DEDD2: variants seen among roughly 807,000 people sequenced by gnomAD.
DEDD2 encodes death effector domain containing 2, also known as DNA-binding death effector domain-containing protein 2.
DEDD2 carries 18 observed loss-of-function variants against 28.9 expected under a neutral mutation model. That is an observed-to-expected ratio of 0.62 (90% CI 0.43 to 0.92). The LOEUF (loss-of-function observed/expected upper bound fraction) is 0.92. Ranked by LOEUF, DEDD2 falls within the 40% of genes least tolerant of loss-of-function variation. The pLI, the probability that DEDD2 is intolerant of heterozygous loss-of-function variation, is 0.00. For missense variants in DEDD2, 411 were observed against 463.3 expected (o/e 0.89, Z 1.04); for synonymous variants, 211 against 206.1 (o/e 1.02, Z -0.20).
intron 4 of DEDD2, chr19:42,201,565 G>A (rs181827213): frequency 1.9e-5 from 3 of 155,672 alleles, no homozygotes; most frequent in Admixed American, 1.3e-4. Flanking sequence ...GAGGAAACAA[G>A]GCTCTGGGAG....
rs141280421 is a variant in DEDD2 at position 42,200,249 on chromosome 19, C to A, written c.590-420G>T. Among the ~76,000 whole-genome samples the A allele has an allele frequency of 2.2e-3, 330 of 152,350 alleles. 2 individuals are homozygous for A. The highest frequency in any genetic ancestry group is 0.012 in the South Asian group (59 of 4,834). On this transcript the variant is annotated intron_variant, in intron 4 of 4. Transcript: ENST00000596251. ...GTCCAAGGCACTTATCACCTTCCAA[C>A]CTCCTCTGTCAGTTACTATCTGCTC...
At chr19:42,206,971 A>G (rs935236835) in intron 4 of DEDD2, among the ~76,000 whole-genome samples, 1 of 152,080 alleles carries the variant, frequency 6.6e-6, no homozygotes, top group Non-Finnish European at 1.5e-5. Context: ...CCCATCTCCC[A>G]TCAAGACCTA....
Position 42,199,123 on chromosome 19 carries a change from C to T in DEDD2, c.*315G>A, listed in dbSNP as rs140582987. The T allele has an allele frequency of 2.6e-6, 1 of 389,966 alleles. No homozygotes were observed. Among genetic ancestry groups the T allele is most frequent in the Non-Finnish European group, 4.7e-6 (1 of 213,044 alleles). 24.2% of individuals were successfully genotyped at this position (389,966 alleles called of 1,614,324 possible). A position where few individuals can be genotyped will look rare whatever the true frequency, so the allele number is the denominator to read the frequency against. ...TGCAGACAGCCCAAGATCAGAGATA[C>T]AATGTGCAGGGGGGCCTTTGGTGAG... On this transcript the variant is annotated 3_prime_UTR_variant, in exon 5 of 5. Coordinates refer to ENST00000596251, the MANE Select transcript of DEDD2 (RefSeq NM_133328.4). This position sits in a 1 kb window ranked among gnomAD's most constrained non-coding sequence, Gnocchi z 7.4.
chr19:42,214,810 A>G (rs1809181135), intron 3 of DEDD2, among the ~76,000 whole-genome samples: 2 of 152,280 alleles, frequency 1.3e-5, no homozygotes, highest in Admixed American at 1.3e-4. Context: ...GTGAGAATAA[A>G]TAAGTTAATT....
intron 4 of DEDD2, chr19:42,202,072 T>A (rs756127124): frequency 3.8e-5 from 15 of 398,584 alleles, no homozygotes; most frequent in South Asian, 1.3e-4. Flanking sequence ...TGTTTCCCCA[T>A]CTGAAACACA....
intron 3 of DEDD2, among the ~76,000 whole-genome samples, chr19:42,212,858 C>A: frequency 6.6e-6 from 1 of 152,164 alleles, no homozygotes. Context: ...CTCAGCCACA[C>A]AAAGCACTAA....
chr19:42,199,892 C>T lies in DEDD2; in HGVS notation c.590-63G>A. 4.0e-6 allele frequency: 6 copies of T among 1,497,304 alleles called. No individual in the cohort carries two copies. Among genetic ancestry groups the T allele is most frequent in the Non-Finnish European group, 4.5e-6 (5 of 1,117,814 alleles). The allele number at this position is 1,497,304 out of a possible 1,614,324, so 92.8% of individuals were successfully genotyped here. On this transcript the variant is annotated intron_variant, in intron 4 of 4. Transcript: ENST00000596251. The surrounding 1 kb of genome is among the most constrained non-coding windows in gnomAD (Gnocchi z 7.4). Reference sequence around the variant, plus strand: ...ACACTAGACACACTTATGGGGAACGCCACCCTTCCTCCCTCCAGCCTTCTC... The same window carrying T: ...ACACTAGACACACTTATGGGGAACGTCACCCTTCCTCCCTCCAGCCTTCTC...
chr19:42,214,258 C>T (rs2035877205), intron 3 of DEDD2, among the ~76,000 whole-genome samples: 1 of 152,186 alleles, frequency 6.6e-6, no homozygotes, highest in Non-Finnish European at 1.5e-5. Flanking sequence ...GAGTTCGAGA[C>T]CAGCTTGGGC....
At chr19:42,218,783 A>C (rs1331492429), upstream of DEDD2, among the ~76,000 whole-genome samples, 3 of 152,248 alleles carry the variant, frequency 2.0e-5, no homozygotes, top group Non-Finnish European at 4.4e-5. Flanking sequence ...CTGTAATCCC[A>C]GCACTTTGAG....
chr19:42,199,197 C>A lies in DEDD2; in HGVS notation c.*241G>T. On this transcript the variant is annotated 3_prime_UTR_variant, in exon 5 of 5. Transcript: ENST00000596251. The surrounding 1 kb of genome is among the most constrained non-coding windows in gnomAD (Gnocchi z 7.4). The stretch of plus-strand genomic sequence containing the variant: ...TGAGATACAGGCCCAGCCCCCGCCT[C>A]CGGAGGCTAAGGGGGCACACCTGGG... The A allele has an allele frequency of 1.7e-6, 1 of 589,672 alleles. No individual in the cohort carries two copies. Among genetic ancestry groups the A allele is most frequent in the East Asian group, 3.0e-5 (1 of 33,464 alleles). The allele number at this position is 589,672 out of a possible 1,614,324, so 36.5% of individuals were successfully genotyped here.
At chr19:42,219,444 A>T (rs190865374), upstream of DEDD2, among the ~76,000 whole-genome samples, 508 of 151,960 alleles carry the variant, frequency 3.3e-3, 5 homozygotes, top group African/African-American at 0.012. Context: ...CTACTAAAAA[A>T]TACAAACATT....
At chr19:42,213,936 A>G (rs918482614) in intron 3 of DEDD2, among the ~76,000 whole-genome samples, 3 of 152,218 alleles carry the variant, frequency 2.0e-5, no homozygotes, top group African/African-American at 7.2e-5. Flanking sequence ...TAGGTATAAT[A>G]GTCTTAAAGT....
intron 3 of DEDD2, among the ~76,000 whole-genome samples, 190 bp downstream of exon 3, chr19:42,214,943 C>T (rs2146904734): frequency 6.6e-6 from 1 of 151,958 alleles, no homozygotes; most frequent in Middle Eastern, 3.4e-3. Flanking sequence ...AAACGAAACA[C>T]GAAACTATGT....
intron 3 of DEDD2, chr19:42,212,061 T>TAATAATAATAATAAA (rs888878115): frequency 2.0e-5 from 3 of 147,466 alleles, no homozygotes; most frequent in Non-Finnish European, 4.5e-5. Flanking sequence ...ATAATAATAA[T>TAATAATAATAATAAA]AAATTAATTA....
chr19:42,211,191 G>C (rs2146889840), intron 3 of DEDD2, among the ~76,000 whole-genome samples: 1 of 152,038 alleles, frequency 6.6e-6, no homozygotes, highest in East Asian at 1.9e-4. Context: ...TGGAACCCGG[G>C]CAACATGGAA....
At chr19:42,214,361 G>A (rs547720566) in intron 3 of DEDD2, among the ~76,000 whole-genome samples, 1 of 152,148 alleles carries the variant, frequency 6.6e-6, no homozygotes, top group Admixed American at 6.6e-5. Flanking sequence ...GGGAGGCTGA[G>A]GCAGGAGAAT....
rs369682238 is a variant in DEDD2 at position 42,208,048 on chromosome 19, T to A, written c.589+1652A>T. Among the ~76,000 whole-genome samples the A allele has an allele frequency of 3.3e-3, 507 of 152,314 alleles. 5 individuals carry two copies. Among genetic ancestry groups the A allele is most frequent in the African/African-American group, 0.012 (491 of 41,572 alleles). On this transcript the variant is annotated intron_variant, in intron 4 of 4. Coordinates refer to ENST00000596251, the MANE Select transcript of DEDD2 (RefSeq NM_133328.4). ...AGAGCCCCTGCACTCACAATACCCG[T>A]GCCACCTGTCACATCAGCCTGGCTG...
chr19:42,200,862 G>A (rs2035304531), intron 4 of DEDD2, among the ~76,000 whole-genome samples: 1 of 152,168 alleles, frequency 6.6e-6, no homozygotes, highest in South Asian at 2.1e-4. Context: ...CAGGACACTG[G>A]ACTTCTAAGG....
intron 4 of DEDD2, among the ~76,000 whole-genome samples, chr19:42,202,504 C>T (rs910711873): frequency 5.3e-5 from 8 of 152,180 alleles, no homozygotes; most frequent in African/African-American, 1.9e-4. Flanking sequence ...TCAATCCACC[C>T]AGAGCCCCCA....
Sources: gnomAD v4.1 joint callset for allele counts (sites outside exome capture counted in the v4.1 genomes callset) on GRCh38, gnomAD v4.1.1 for gene constraint, Gnocchi (gnomAD v3.1) non-coding constraint, MANE v1.5 for transcripts, NCBI Gene and HGNC (gene_info 2026-07-23, HGNC 2026-07-21) for gene names.